Variants in STK33 observed in about 807,000 individuals in gnomAD.
The protein encoded by STK33 is serine/threonine kinase 33.
Under a neutral mutation model 58.0 loss-of-function variants are expected in STK33, and 52 were observed. The observed-to-expected ratio is 0.90, with a 90% CI of 0.72 to 1.13. The LOEUF (loss-of-function observed/expected upper bound fraction) is 1.13. Among genes scored for constraint, STK33 ranks in the 50% most tolerant of loss-of-function variants. The pLI, the probability that STK33 is intolerant of heterozygous loss-of-function variation, is 0.00. For synonymous variants in STK33, 215 were observed against 200.1 expected, an observed-to-expected ratio of 1.07 and a Z score of -0.63; for missense variants, 630 against 604.2, an observed-to-expected ratio of 1.04 and a Z score of -0.45.
the STK33 span, among the ~76,000 whole-genome samples, chr11:8,374,938 C>G: frequency 6.6e-6 from 1 of 152,192 alleles, no homozygotes; most frequent in Non-Finnish European, 1.5e-5. Context: ...GAGGACCCAC[C>G]AAGGGATATT....
chr11:8,408,949 C>T (rs1015261863), intron 15 of STK33, among the ~76,000 whole-genome samples: 3 of 152,194 alleles, frequency 2.0e-5, no homozygotes, highest in African/African-American at 7.2e-5. Flanking sequence ...TCCATGGTCA[C>T]GTAGGCAGCC....
At chr11:8,580,363 G>A (rs1390290881) in intron 1 of STK33, among the ~76,000 whole-genome samples, 6 of 152,034 alleles carry the variant, frequency 3.9e-5, no homozygotes, top group Admixed American at 6.5e-5. Flanking sequence ...AATGAGCCAG[G>A]CACAGAAAGA....
At chr11:8,444,789 C>T (rs542215467) in intron 11 of STK33, among the ~76,000 whole-genome samples, 1 of 151,860 alleles carries the variant, frequency 6.6e-6, no homozygotes, top group Admixed American at 6.6e-5. Context: ...ATAATAGAAA[C>T]TTTATCCCCA....
intron 1 of STK33, among the ~76,000 whole-genome samples, chr11:8,536,975 T>TTA (rs1955074257): frequency 9.9e-6 from 1 of 101,178 alleles, no homozygotes; most frequent in South Asian, 4.0e-4. Flanking sequence ...AAAAAAGATT[T>TTA]TTTTTTTTTT....
intron 1 of STK33, among the ~76,000 whole-genome samples, chr11:8,489,527 G>C (rs2138588789): frequency 6.6e-6 from 1 of 152,250 alleles, no homozygotes; most frequent in South Asian, 2.1e-4. Flanking sequence ...GCATCACATG[G>C]TAAGCAAGCA....
chr11:8,354,858 C>T, the STK33 span, among the ~76,000 whole-genome samples: 1 of 152,182 alleles, frequency 6.6e-6, no homozygotes, highest in Non-Finnish European at 1.5e-5. Context: ...GGCCCCTCCG[C>T]GGCTGAAGCT....
chr11:8,489,446 C>A (rs1950437178), intron 1 of STK33, among the ~76,000 whole-genome samples: 1 of 152,064 alleles, frequency 6.6e-6, no homozygotes, highest in African/African-American at 2.4e-5. Flanking sequence ...TTATTTGGCT[C>A]ATGGTTCTAG....
At chr11:8,336,694 C>A in the STK33 span, among the ~76,000 whole-genome samples, 1 of 152,240 alleles carries the variant, frequency 6.6e-6, no homozygotes, top group Non-Finnish European at 1.5e-5. Flanking sequence ...ACTTCTTTGG[C>A]AGAAATTCCA....
chr11:8,525,260 A>T (rs1458953697), intron 1 of STK33, among the ~76,000 whole-genome samples: 2 of 152,218 alleles, frequency 1.3e-5, no homozygotes, highest in Non-Finnish European at 2.9e-5. Flanking sequence ...TGAACAAGCT[A>T]ATTACAAAAT....
intron 15 of STK33, among the ~76,000 whole-genome samples, chr11:8,396,062 C>A (rs1354693637): frequency 6.6e-6 from 1 of 152,316 alleles, no homozygotes; most frequent in East Asian, 1.9e-4. Context: ...CCTTCACTCC[C>A]TGGTAACATC....
At chr11:8,548,337 T>C (rs890490627) in intron 1 of STK33, among the ~76,000 whole-genome samples, 3 of 152,178 alleles carry the variant, frequency 2.0e-5, no homozygotes, top group Admixed American at 6.5e-5. Flanking sequence ...GATATACAGT[T>C]TCCCCAGTAT....
chr11:8,416,971 C>T (rs151301061), intron 14 of STK33, among the ~76,000 whole-genome samples: 4 of 152,244 alleles, frequency 2.6e-5, no homozygotes, highest in African/African-American at 9.6e-5. Context: ...GTATCAGATA[C>T]TTGGACTAAC....
intron 11 of STK33, among the ~76,000 whole-genome samples, chr11:8,452,135 G>A (rs1032327972): frequency 2.3e-4 from 35 of 152,164 alleles, no homozygotes; most frequent in African/African-American, 7.7e-4. Context: ...CCCAGGAGGC[G>A]GAGGTTGCAG....
In STK33 at chr11:8,440,675, T is replaced by G; in HGVS notation, c.947+3A>C. ...TAAAGTGTACATTTAGCAGGCTACT[T>G]ACAACATGTACATTACGACGCCTAT... On this transcript the variant is annotated splice_donor_region_variant and intron_variant, in intron 12 of 15. Transcript: ENST00000687296. 6.4e-7 allele frequency: 1 copy of G among 1,559,198 alleles called. No individual in the cohort carries two copies. The highest frequency in any genetic ancestry group is 8.7e-7 in the Non-Finnish European group (1 of 1,149,382).
the STK33 span, among the ~76,000 whole-genome samples, chr11:8,339,962 G>C: frequency 1.3e-5 from 2 of 152,244 alleles, no homozygotes; most frequent in African/African-American, 2.4e-5. Context: ...TGGTGAGCTT[G>C]TGCAGAACCC....
chr11:8,360,173 A>G, the STK33 span, among the ~76,000 whole-genome samples: 1 of 152,178 alleles, frequency 6.6e-6, no homozygotes, highest in Middle Eastern at 3.2e-3. Context: ...GTGGCATGAC[A>G]CCCTACAACT....
At chr11:8,367,074 CAAAG>C in the STK33 span, among the ~76,000 whole-genome samples, 3 of 152,200 alleles carry the variant, frequency 2.0e-5, no homozygotes, top group South Asian at 6.2e-4. Flanking sequence ...TGTGCATATA[CAAAG>C]AGTTTATGTA....
At chr11:8,453,651 A>G (rs1237446923) in intron 10 of STK33, among the ~76,000 whole-genome samples, 2 of 152,240 alleles carry the variant, frequency 1.3e-5, no homozygotes, top group Non-Finnish European at 2.9e-5. Context: ...ATTATCTCCC[A>G]AAGTGGAACA....
intron 1 of STK33, among the ~76,000 whole-genome samples, chr11:8,510,360 C>A (rs1201468283): frequency 6.6e-6 from 1 of 151,858 alleles, no homozygotes; most frequent in African/African-American, 2.4e-5. Flanking sequence ...TTGTTTTTTT[C>A]TTGTTGACTT....
Sources: gnomAD v4.1 joint callset for allele counts (sites outside exome capture counted in the v4.1 genomes callset) on GRCh38, gnomAD v4.1.1 for gene constraint, MANE v1.5 for transcripts, NCBI Gene and HGNC (gene_info 2026-07-23, HGNC 2026-07-21) for gene names.